GPR107: variants seen among roughly 807,000 people sequenced by gnomAD.
The protein encoded by GPR107 is protein GPR107.
A neutral mutation model predicts 75.5 loss-of-function variants in GPR107; 31 were observed. The observed-to-expected ratio is 0.41, with a 90% CI of 0.31 to 0.55. The LOEUF (loss-of-function observed/expected upper bound fraction) is 0.55, where lower values mean the gene tolerates loss of function less well. Among genes scored for constraint, GPR107 ranks in the 20% least tolerant of loss-of-function variants. The pLI is 0.26. For synonymous variants in GPR107, 267 were observed against 251.3 expected, an observed-to-expected ratio of 1.06 and a Z score of -0.59; for missense variants, 572 against 665.7, an observed-to-expected ratio of 0.86 and a Z score of 1.55.
intron 1 of GPR107, among the ~76,000 whole-genome samples, chr9:130,057,755 C>A (rs918033524): frequency 2.0e-5 from 3 of 151,700 alleles, no homozygotes; most frequent in Non-Finnish European, 4.4e-5. Flanking sequence ...CACCATTCTT[C>A]TGGCTTTCCC....
chr9:130,092,753 C>CCT (rs1228965796), intron 9 of GPR107, among the ~76,000 whole-genome samples: 1 of 151,920 alleles, frequency 6.6e-6, no homozygotes, highest in Non-Finnish European at 1.5e-5. Context: ...GTAGCTGGGA[C>CCT]TACAGGCGCC....
intron 1 of GPR107, among the ~76,000 whole-genome samples, chr9:130,059,115 C>T (rs1488788387): frequency 6.6e-6 from 1 of 152,200 alleles, no homozygotes; most frequent in Admixed American, 6.6e-5. Flanking sequence ...GTGGCTCTAC[C>T]ATTTTACATC....
intron 17 of GPR107, among the ~76,000 whole-genome samples, chr9:130,131,861 G>A (rs1381579970): frequency 2.6e-5 from 4 of 151,946 alleles, no homozygotes; most frequent in Non-Finnish European, 5.9e-5. Flanking sequence ...CTTCACTCCC[G>A]ATCCTCTCCC....
chr9:130,134,183 G>A (rs1164630810), intron 17 of GPR107, among the ~76,000 whole-genome samples: 1 of 152,166 alleles, frequency 6.6e-6, no homozygotes, highest in Non-Finnish European at 1.5e-5. Flanking sequence ...CAGTATCTCT[G>A]CCTAGTTCTG....
chr9:130,082,940 A>C (rs1380497135), intron 5 of GPR107, among the ~76,000 whole-genome samples: 1 of 151,726 alleles, frequency 6.6e-6, no homozygotes, highest in Non-Finnish European at 1.5e-5. Flanking sequence ...TTTCTTTTTG[A>C]GATGGAGTCT....
At chr9:130,071,025 TTTTTTTTTTC>T (rs1387032845) in intron 1 of GPR107, among the ~76,000 whole-genome samples, 7,191 of 108,988 alleles carry the variant, frequency 0.066, 220 homozygotes, top group Non-Finnish European at 0.079. Flanking sequence ...AGTCCTAACT[TTTTTTTTTTC>T]TTTTTTTTTT....
At chr9:130,099,013 CAA>C (rs34789609) in intron 9 of GPR107, among the ~76,000 whole-genome samples, 2 of 147,180 alleles carry the variant, frequency 1.4e-5, no homozygotes, top group African/African-American at 5.0e-5. Context: ...ACTCTTGTCT[CAA>C]AAAAAAAAAG....
chr9:130,124,897 GTTCT>G lies in GPR107; in HGVS notation c.1307-12_1307-9del, dbSNP rs10615984. Reference sequence around the variant, plus strand: ...GAGAAGTTAACGAGCTCTTCATTTTGTTCTTTCTTCTCTCTAGCTGCTATTAACT... The same window carrying G: ...GAGAAGTTAACGAGCTCTTCATTTTGTTCTTCTCTCTAGCTGCTATTAACT... On this transcript the variant is annotated splice_polypyrimidine_tract_variant and intron_variant, in intron 14 of 17. Transcript: ENST00000347136. The G allele has an allele frequency of 7.7e-3, 11,642 of 1,513,786 alleles. 753 individuals are homozygous for G. The African/African-American group carries it at 0.14, about 18-fold the overall frequency. 93.8% of individuals were successfully genotyped at this position (1,513,786 alleles called of 1,614,324 possible).
chr9:130,104,591 C>G (rs746601924), intron 13 of GPR107, 41 bp downstream of exon 13: 2 of 1,579,866 alleles, frequency 1.3e-6, no homozygotes, highest in Non-Finnish European at 1.7e-6. Flanking sequence ...GACAGCTTGG[C>G]TGTCAAGCCC....
At chr9:130,113,393 G>A (rs568352635) in intron 14 of GPR107, among the ~76,000 whole-genome samples, 4 of 151,800 alleles carry the variant, frequency 2.6e-5, no homozygotes, top group Admixed American at 1.3e-4. Context: ...CACCATGCCC[G>A]GCTAATTCTT....
intron 14 of GPR107, among the ~76,000 whole-genome samples, chr9:130,124,579 G>A (rs1454103381): frequency 2.0e-5 from 3 of 152,176 alleles, no homozygotes; most frequent in African/African-American, 7.2e-5. Context: ...CTCTCTGGGG[G>A]GAAAAAATTC....
rs1223177181 is a variant in GPR107, at chr9:130,090,935, A to G, written c.681A>G (p.Lys227=). The G allele has an allele frequency of 1.3e-6, 2 of 1,561,720 alleles. No homozygotes were observed. Among genetic ancestry groups the G allele is most frequent in the Non-Finnish European group, 8.8e-7 (1 of 1,133,058 alleles). Residue 227 remains lysine (K), a synonymous_variant, in exon 8 of 18, where the codon AAA becomes AAG. Coordinates refer to ENST00000347136, the MANE Select transcript of GPR107 (RefSeq NM_020960.5). Reference sequence around the variant, plus strand: ...GCCTTTACAGTCTTTATTTTCATAAATGCCTTGGAAAAGAATTGCCAAGTG... The same window carrying G: ...GCCTTTACAGTCTTTATTTTCATAAGTGCCTTGGAAAAGAATTGCCAAGTG... ...QEGLYSLYFH[K]CLGKELPSDK...
chr9:130,066,367 G>GATTATT (rs1018101663), intron 1 of GPR107, among the ~76,000 whole-genome samples: 1 of 140,060 alleles, frequency 7.1e-6, no homozygotes, highest in African/African-American at 2.7e-5. Flanking sequence ...CGTTCCCATT[G>GATTATT]ATTATTATGA....
At chr9:130,066,077 C>T (rs1051007140) in intron 1 of GPR107, among the ~76,000 whole-genome samples, 5 of 152,082 alleles carry the variant, frequency 3.3e-5, no homozygotes, top group South Asian at 2.1e-4. Flanking sequence ...GAGACCAAGG[C>T]GGGTGGATCA....
intron 9 of GPR107, among the ~76,000 whole-genome samples, chr9:130,098,678 T>G (rs1830938493): frequency 6.6e-6 from 1 of 152,138 alleles, no homozygotes; most frequent in Non-Finnish European, 1.5e-5. Context: ...ACTTTAGGAC[T>G]CCATTCAAGG....
chr9:130,075,571 G>A, intron 1 of GPR107, 65 bp from the exon 2 acceptor site: 1 of 866,666 alleles, frequency 1.2e-6, no homozygotes, highest in Non-Finnish European at 2.0e-6. Context: ...TAAAGCAAAT[G>A]AATAGGTTAA....
At chr9:130,062,270 C>T (rs111410142) in intron 1 of GPR107, among the ~76,000 whole-genome samples, 5,086 of 150,092 alleles carry the variant, frequency 0.034, 287 homozygotes, top group African/African-American at 0.12. Flanking sequence ...AAAAATTAGC[C>T]GGCGTGGTGG....
At chr9:130,105,290 G>A (rs1376213227) in intron 13 of GPR107, among the ~76,000 whole-genome samples, 4 of 149,540 alleles carry the variant, frequency 2.7e-5, no homozygotes, top group Non-Finnish European at 4.4e-5. Flanking sequence ...TTTCGCTCTT[G>A]TTGCCCAGGG....
chr9:130,078,815 C>G (rs1830420876), intron 4 of GPR107, among the ~76,000 whole-genome samples: 1 of 152,182 alleles, frequency 6.6e-6, no homozygotes, highest in Non-Finnish European at 1.5e-5. Flanking sequence ...TGGGCATCCA[C>G]TCAGTCATGG....
Sources: gnomAD v4.1 joint callset for allele counts (sites outside exome capture counted in the v4.1 genomes callset) on GRCh38, gnomAD v4.1.1 for gene constraint, MANE v1.5 for transcripts, NCBI Gene and HGNC (gene_info 2026-07-23, HGNC 2026-07-21) for gene names.